Variants in PLD5 observed in about 807,000 individuals in gnomAD.
PLD5 encodes the protein phospholipase D family member 5, also known as inactive phospholipase D5.
A neutral mutation model predicts 61.1 loss-of-function variants in PLD5; 36 were observed. That is an observed-to-expected ratio of 0.59 (90% CI 0.45 to 0.78). The LOEUF is 0.78. Ranked by LOEUF, PLD5 falls within the 30% of genes least tolerant of loss-of-function variation. The pLI is 0.00. For synonymous variants in PLD5, 243 were observed against 242.8 expected (o/e 1.00, Z -0.01); for missense variants, 515 against 644.4 (o/e 0.80, Z 2.17).
intron 1 of PLD5, among the ~76,000 whole-genome samples, chr1:242,488,913 C>T (rs1668051123): frequency 6.6e-6 from 1 of 151,886 alleles, no homozygotes; most frequent in Non-Finnish European, 1.5e-5. Flanking sequence ...AGTAAAGACT[C>T]TTTTTTAAAA....
chr1:242,449,597 T>C (rs1666698560), intron 1 of PLD5: 6 of 1,290,804 alleles, frequency 4.6e-6, no homozygotes, highest in Non-Finnish European at 6.1e-6. Context: ...CCCTAGAATG[T>C]GCTCTTAAAA....
At chr1:242,512,848 C>G (rs1668972653) in intron 1 of PLD5, among the ~76,000 whole-genome samples, 1 of 148,022 alleles carries the variant, frequency 6.8e-6, no homozygotes, top group Non-Finnish European at 1.5e-5. Context: ...CCTGAGGTTT[C>G]TTTCCACTGA....
Position 242,414,845 on chromosome 1 carries a change from T to C in PLD5, c.190-66603A>G, listed in dbSNP as rs139875451. 3.6e-3 allele frequency among the ~76,000 whole-genome samples: 550 copies of C among 152,074 alleles called. 7 individuals carry two copies. Among genetic ancestry groups the C allele is most frequent in the African/African-American group, 0.012 (510 of 41,462 alleles). ...ATCCTAAGCAAGGAAAAAAGACAAA[T>C]GACAAATTGAGGAAAATCTTTGCTA... is the stretch of plus-strand genomic sequence containing the variant. On this transcript the variant is annotated intron_variant, in intron 1 of 9. Coordinates refer to ENST00000536534, the MANE Select transcript of PLD5 (RefSeq NM_001372062.1).
chr1:242,358,058 T>C (rs1161048181), intron 1 of PLD5, among the ~76,000 whole-genome samples: 3 of 152,176 alleles, frequency 2.0e-5, no homozygotes, highest in African/African-American at 7.2e-5. Context: ...AAGCATTGTA[T>C]TCTTCATCTC....
intron 5 of PLD5, among the ~76,000 whole-genome samples, chr1:242,200,379 A>C (rs1668908222): frequency 6.6e-6 from 1 of 152,192 alleles, no homozygotes; most frequent in Non-Finnish European, 1.5e-5. Context: ...TGGTGAGTCT[A>C]AGACTAAAAA....
At chr1:242,170,343 C>A (rs907261115) in intron 5 of PLD5, among the ~76,000 whole-genome samples, 2 of 152,140 alleles carry the variant, frequency 1.3e-5, no homozygotes, top group Non-Finnish European at 2.9e-5. Flanking sequence ...AGCAGAGGGG[C>A]CTGTTAGAAG....
chr1:242,393,107 G>A (rs956251162), intron 1 of PLD5, among the ~76,000 whole-genome samples: 5 of 151,158 alleles, frequency 3.3e-5, no homozygotes, highest in Non-Finnish European at 7.4e-5. Context: ...AGGAGGCTGA[G>A]GCAGGAGAAT....
At chr1:242,113,517 C>A (rs929832473) in intron 7 of PLD5, among the ~76,000 whole-genome samples, 3 of 152,148 alleles carry the variant, frequency 2.0e-5, no homozygotes, top group Non-Finnish European at 2.9e-5. Flanking sequence ...TCAATATGCC[C>A]TTTTCAGGTA....
At position 242,124,556 on chromosome 1, in the gene PLD5, G is replaced by T. The variant is rs991543214; in HGVS notation, c.845C>A (p.Thr282Asn). The change falls in exon 6 of 10, where the codon ACC (threonine) becomes AAC (asparagine). Residue 282 changes from threonine (T) to asparagine (N), a missense_variant. Physicochemically the swap from Thr to Asn is moderately conservative, Grantham distance 65. Transcript: ENST00000536534. ...SLKFKSRVPQ[T>N]WSKRLYGVYD... is the part of the protein sequence containing the mutation. ...GACTCCATAGAGTCTTTTGGACCAG[G>T]TTTGAGGCACTCTGCTTTTGAATTT... The T allele has an allele frequency of 1.2e-6, 2 of 1,613,944 alleles. No individual in the cohort carries two copies. Among genetic ancestry groups the T allele is most frequent in the African/African-American group, 2.7e-5 (2 of 74,928 alleles).
chr1:242,470,818 C>G (rs961022402), intron 1 of PLD5, among the ~76,000 whole-genome samples: 1 of 152,222 alleles, frequency 6.6e-6, no homozygotes, highest in Non-Finnish European at 1.5e-5. Context: ...TTTCCTGCCC[C>G]TGTCTTCTTT....
chr1:242,097,321 C>T (rs1417897570), intron 9 of PLD5, among the ~76,000 whole-genome samples: 1 of 152,134 alleles, frequency 6.6e-6, no homozygotes, highest in Non-Finnish European at 1.5e-5. Flanking sequence ...TGAGGAATCG[C>T]CACACTGAGT....
At chr1:242,112,299 G>C (rs1356909880) in intron 7 of PLD5, among the ~76,000 whole-genome samples, 1 of 101,022 alleles carries the variant, frequency 9.9e-6, no homozygotes, top group African/African-American at 5.8e-5. Flanking sequence ...GTGTGTGTGT[G>C]TGTGTGTGTG....
chr1:242,404,501 C>A (rs1021429958), intron 1 of PLD5, among the ~76,000 whole-genome samples: 1 of 152,060 alleles, frequency 6.6e-6, no homozygotes, highest in Non-Finnish European at 1.5e-5. Flanking sequence ...GTTGTTCACA[C>A]TACGCCAGAC....
At chr1:242,165,274 G>A (rs1039178709) in intron 5 of PLD5, among the ~76,000 whole-genome samples, 6 of 152,076 alleles carry the variant, frequency 3.9e-5, no homozygotes, top group Admixed American at 3.9e-4. Context: ...ACCATCTTGA[G>A]ATTTCAATGA....
At position 242,207,870 on chromosome 1, in the gene PLD5, A is replaced by ATATATATT. The variant is rs1427593920; in HGVS notation, c.735+12110_735+12117dup. Among the ~76,000 whole-genome samples the ATATATATT allele has an allele frequency of 1.8e-3, 89 of 49,336 alleles. 12 individuals carry two copies. Among genetic ancestry groups the ATATATATT allele is most frequent in the African/African-American group, 8.4e-3 (84 of 10,026 alleles). 32.4% of individuals were successfully genotyped at this position (49,336 alleles called of 152,430 possible). On this transcript the variant is annotated intron_variant, in intron 5 of 9. Transcript: ENST00000536534. Reference sequence around the variant, plus strand: ...TATATATTTATATATTTATATATTTATATATATTTATATATTTATATATAT... The same window carrying ATATATATT: ...TATATATTTATATATTTATATATTTATATATATTTATATATTTATATATTTATATATAT...
chr1:242,391,382 A>C (rs774988361), intron 1 of PLD5, among the ~76,000 whole-genome samples: 8 of 152,208 alleles, frequency 5.3e-5, no homozygotes, highest in Non-Finnish European at 8.8e-5. Context: ...GAAAAAAAGA[A>C]CAAATGGAAA....
intron 2 of PLD5, among the ~76,000 whole-genome samples, chr1:242,312,952 AAAC>A (rs1034182801): frequency 2.0e-5 from 3 of 152,232 alleles, no homozygotes; most frequent in African/African-American, 7.2e-5. Context: ...TTCCTTGGGA[AAAC>A]AAGGACCTAA....
chr1:242,428,339 T>G (rs1289314659), intron 1 of PLD5, among the ~76,000 whole-genome samples: 1 of 152,240 alleles, frequency 6.6e-6, no homozygotes, highest in Non-Finnish European at 1.5e-5. Flanking sequence ...TTTTGTTCTA[T>G]ATGAGGAAAT....
chr1:242,354,242 C>A (rs1660632219), intron 1 of PLD5, among the ~76,000 whole-genome samples: 1 of 152,120 alleles, frequency 6.6e-6, no homozygotes, highest in Admixed American at 6.6e-5. Context: ...CCAGAAGTTA[C>A]CACCCACTTT....
Sources: allele counts gnomAD v4.1 joint callset (sites outside exome capture counted in the v4.1 genomes callset), GRCh38; gene constraint gnomAD v4.1.1; transcripts MANE v1.5; gene names NCBI Gene and HGNC (gene_info 2026-07-23, HGNC 2026-07-21).